The following RGS6 variants were observed in gnomAD, a reference collection of about 807,000 sequenced individuals.
The protein encoded by RGS6 is regulator of G-protein signaling 6.
RGS6 carries 30 observed loss-of-function variants against 78.5 expected under a neutral mutation model. The observed-to-expected ratio is 0.38, with a 90% CI of 0.29 to 0.52. The LOEUF (loss-of-function observed/expected upper bound fraction) is 0.52, where lower values mean the gene tolerates loss of function less well. Among genes scored for constraint, RGS6 ranks in the 20% least tolerant of loss-of-function variants. The probability of loss-of-function intolerance (pLI) is 0.85; values close to 1 mark genes in which losing one functional copy is unlikely to be tolerated. For missense variants in RGS6, 495 were observed against 609.7 expected, an observed-to-expected ratio of 0.81 and a Z score of 1.98; for synonymous variants, 206 against 206.0, an observed-to-expected ratio of 1.00 and a Z score of 0.00.
chr14:71,923,487 G>C, the RGS6 span, among the ~76,000 whole-genome samples: 5 of 152,206 alleles, frequency 3.3e-5, no homozygotes, highest in South Asian at 6.2e-4. Flanking sequence ...TTGGGAGGCT[G>C]AGGTGAGAGG....
intron 12 of RGS6, among the ~76,000 whole-genome samples, chr14:72,479,327 T>C (rs2096316154): frequency 6.6e-6 from 1 of 152,200 alleles, no homozygotes; most frequent in African/African-American, 2.4e-5. Flanking sequence ...TGGGCTCACG[T>C]CTTTATTCCA....
At chr14:71,960,454 G>A (rs1442395558) in intron 1 of RGS6, among the ~76,000 whole-genome samples, 2 of 152,182 alleles carry the variant, frequency 1.3e-5, no homozygotes, top group African/African-American at 4.8e-5. Flanking sequence ...CTGGAAGGAG[G>A]ACACTGCATC....
intron 2 of RGS6, among the ~76,000 whole-genome samples, chr14:72,144,646 A>T (rs1286987681): frequency 6.6e-6 from 1 of 152,242 alleles, no homozygotes; most frequent in Non-Finnish European, 1.5e-5. Context: ...TATTGTGTGT[A>T]CACTATGTAG....
chr14:72,454,402 G>A, intron 3 of RGS6, 126 bp from the exon 4 acceptor site: 1 of 903,180 alleles, frequency 1.1e-6, no homozygotes, highest in Non-Finnish European at 1.8e-6. Flanking sequence ...AAAAAAAAGT[G>A]CCCATATTAT....
chr14:72,476,971 A>G (rs1252324360), intron 11 of RGS6, 131 bp downstream of exon 11: 11 of 741,886 alleles, frequency 1.5e-5, no homozygotes, highest in Non-Finnish European at 2.3e-5. Flanking sequence ...GCTGTGGGTG[A>G]TTGAACCTTT....
At chr14:71,966,745 ATC>A (rs2093544128) in intron 2 of RGS6, among the ~76,000 whole-genome samples, 1 of 152,196 alleles carries the variant, frequency 6.6e-6, no homozygotes, top group South Asian at 2.1e-4. Context: ...CGTAATGAAT[ATC>A]TCTTTTTCTT....
chr14:72,234,477 G>A (rs1459252299), intron 2 of RGS6, among the ~76,000 whole-genome samples: 3 of 152,152 alleles, frequency 2.0e-5, no homozygotes, highest in Non-Finnish European at 2.9e-5. Flanking sequence ...CATTCAATAT[G>A]AAGGCAAATT....
At chr14:72,292,834 G>A (rs1264878817) in intron 2 of RGS6, among the ~76,000 whole-genome samples, 2 of 152,212 alleles carry the variant, frequency 1.3e-5, no homozygotes, top group Admixed American at 6.5e-5. Context: ...ACCACCTCCT[G>A]AACTGGCCCA....
chr14:72,360,621 C>G (rs986181432), intron 3 of RGS6, among the ~76,000 whole-genome samples: 3 of 151,702 alleles, frequency 2.0e-5, no homozygotes, highest in African/African-American at 7.3e-5. Flanking sequence ...GTGGTGGAAG[C>G]TTATAGATCT....
the RGS6 span, among the ~76,000 whole-genome samples, chr14:71,920,922 C>A: frequency 3.9e-5 from 6 of 152,000 alleles, no homozygotes; most frequent in East Asian, 1.2e-3. Flanking sequence ...AAAGAGGCAA[C>A]ATATGGAATG....
intron 3 of RGS6, among the ~76,000 whole-genome samples, chr14:72,435,547 G>A (rs2153184524): frequency 6.6e-6 from 1 of 152,230 alleles, no homozygotes; most frequent in South Asian, 2.1e-4. Flanking sequence ...TTATCTTATA[G>A]GTCTGGAGGC....
At chr14:72,260,316 A>C (rs1368864497) in intron 2 of RGS6, among the ~76,000 whole-genome samples, 1 of 152,240 alleles carries the variant, frequency 6.6e-6, no homozygotes, top group African/African-American at 2.4e-5. Context: ...TGTAATTTGC[A>C]ATGAAGATGT....
At chr14:72,400,103 G>C (rs2092177162) in intron 3 of RGS6, among the ~76,000 whole-genome samples, 1 of 152,176 alleles carries the variant, frequency 6.6e-6, no homozygotes, top group Non-Finnish European at 1.5e-5. Flanking sequence ...CACCGAAGTT[G>C]AAATGAAGGA....
chr14:72,439,023 C>A (rs1232073780), intron 3 of RGS6, among the ~76,000 whole-genome samples: 1 of 152,214 alleles, frequency 6.6e-6, no homozygotes, highest in Non-Finnish European at 1.5e-5. Context: ...CAAAGAGTCA[C>A]ACGACCATCT....
intron 2 of RGS6, among the ~76,000 whole-genome samples, chr14:72,347,214 CA>C (rs2078225080): frequency 6.6e-6 from 1 of 152,198 alleles, no homozygotes; most frequent in South Asian, 2.1e-4. Context: ...CAAAAGATGT[CA>C]GAAGTTAGAA....
intron 2 of RGS6, among the ~76,000 whole-genome samples, chr14:72,266,745 T>C (rs969942201): frequency 2.6e-5 from 4 of 152,180 alleles, no homozygotes; most frequent in African/African-American, 9.7e-5. Flanking sequence ...TTTCTAGATT[T>C]CTTCCTAGGG....
the RGS6 span, among the ~76,000 whole-genome samples, chr14:71,892,898 G>A: frequency 0.013 from 1,972 of 152,338 alleles, 37 homozygotes; most frequent in Admixed American, 0.057. Context: ...CAGGAATAGT[G>A]TAACGAGATA....
At chr14:71,923,024 G>A in the RGS6 span, among the ~76,000 whole-genome samples, 1 of 152,228 alleles carries the variant, frequency 6.6e-6, no homozygotes, top group African/African-American at 2.4e-5. Flanking sequence ...GCAGGACTAA[G>A]GAGAACAGGA....
Position 72,370,611 on chromosome 14 carries a change from C to T in RGS6, c.184+18417C>T, listed in dbSNP as rs189781730. 1.6e-4 allele frequency among the ~76,000 whole-genome samples: 25 copies of T among 152,136 alleles called. No homozygotes were observed. The East Asian group carries it at 4.1e-3, about 25-fold the overall frequency. ...CTAAAAATGGATGTCAAGGCAGCAACTATATTAAACAAATTTATGATGGGC... is the reference window on the plus strand; with the variant it reads ...CTAAAAATGGATGTCAAGGCAGCAATTATATTAAACAAATTTATGATGGGC... On this transcript the variant is annotated intron_variant, in intron 3 of 17. Transcript: ENST00000553525.
Sources: gnomAD v4.1 joint callset for allele counts (sites outside exome capture counted in the v4.1 genomes callset) on GRCh38, gnomAD v4.1.1 for gene constraint, MANE v1.5 for transcripts, NCBI Gene and HGNC (gene_info 2026-07-23, HGNC 2026-07-21) for gene names.